DLGAP2: variants seen among roughly 807,000 people sequenced by gnomAD.
DLGAP2 encodes the protein disks large-associated protein 2.
A neutral mutation model predicts 100.3 loss-of-function variants in DLGAP2; 26 were observed. The observed-to-expected ratio is 0.26, with a 90% CI of 0.19 to 0.36. DLGAP2 has a LOEUF of 0.36. Among genes scored for constraint, DLGAP2 ranks in the 10% least tolerant of loss-of-function variants. The pLI, the probability that DLGAP2 is intolerant of heterozygous loss-of-function variation, is 1.00. For missense variants in DLGAP2, 1,858 were observed against 1,453.2 expected (o/e 1.28, Z -4.53); for synonymous variants, 886 against 630.1 (o/e 1.41, Z -6.08).
intron 3 of DLGAP2, among the ~76,000 whole-genome samples, chr8:1,358,488 G>T (rs557640821): frequency 6.6e-6 from 1 of 152,254 alleles, no homozygotes; most frequent in East Asian, 1.9e-4. Context: ...TGAGGCAAGG[G>T]CTGCGTTCAC....
At chr8:967,447 A>T (rs115974414) in intron 2 of DLGAP2, among the ~76,000 whole-genome samples, 57 of 152,258 alleles carry the variant, frequency 3.7e-4, no homozygotes, top group African/African-American at 1.3e-3. Context: ...GCTGTTGCTG[A>T]GGCTTAAGAT....
chr8:1,550,118 G>A (rs1584917097), intron 5 of DLGAP2, among the ~76,000 whole-genome samples: 1 of 152,162 alleles, frequency 6.6e-6, no homozygotes, highest in Non-Finnish European at 1.5e-5. Context: ...GGACCATGTG[G>A]CCTCTATCTG....
intron 2 of DLGAP2, among the ~76,000 whole-genome samples, chr8:1,184,462 T>C (rs1412542536): frequency 6.6e-6 from 1 of 152,330 alleles, no homozygotes; most frequent in South Asian, 2.1e-4. Context: ...CAGAAGAGGC[T>C]GAGGCCATTC....
rs375368240 is a variant in DLGAP2, at chr8:1,632,863, G to A, written c.1627G>A (p.Val543Met). ...GGAGATCAATGGGCAATTCGAGTCC[G>A]TGTGCGAGTCCGTCTTCAGTGAAGT... is the stretch of plus-strand genomic sequence containing the variant. ...EAEINGQFES[V>M]CESVFSEVES... Residue 543 changes from valine (V) to methionine (M), a missense_variant, in exon 8 of 15, where the codon GTG (valine) becomes ATG (methionine). Transcript: ENST00000637795. The A allele has an allele frequency of 4.6e-5, 74 of 1,613,516 alleles. No individual in the cohort carries two copies. The highest frequency in any genetic ancestry group is 3.3e-4 in the Middle Eastern group (2 of 6,082).
chr8:1,391,258 C>T (rs1247470190), intron 3 of DLGAP2, among the ~76,000 whole-genome samples: 1 of 152,174 alleles, frequency 6.6e-6, no homozygotes, highest in Non-Finnish European at 1.5e-5. Context: ...CCAAACTAGG[C>T]AATGGGGCAT....
At chr8:1,210,868 C>A (rs944405145) in intron 2 of DLGAP2, among the ~76,000 whole-genome samples, 2 of 152,224 alleles carry the variant, frequency 1.3e-5, no homozygotes, top group Non-Finnish European at 2.9e-5. Flanking sequence ...CCCCCTCCCT[C>A]CCAGATCCTC....
chr8:1,607,595 A>C (rs1290891825), intron 6 of DLGAP2, among the ~76,000 whole-genome samples: 1 of 152,260 alleles, frequency 6.6e-6, no homozygotes, highest in Non-Finnish European at 1.5e-5. Flanking sequence ...GCGACGCAGA[A>C]GACGGGTGAT....
intron 7 of DLGAP2, among the ~76,000 whole-genome samples, chr8:1,628,291 T>C (rs1460365073): frequency 2.7e-5 from 4 of 146,214 alleles, no homozygotes; most frequent in African/African-American, 1.1e-4. Flanking sequence ...TCTGACTTAC[T>C]GTGGAGCAGG....
At chr8:1,037,114 T>C (rs1014603552) in intron 2 of DLGAP2, among the ~76,000 whole-genome samples, 1 of 152,068 alleles carries the variant, frequency 6.6e-6, no homozygotes, top group African/African-American at 2.4e-5. Context: ...CTCCTGCCCA[T>C]GGTCACGTAG....
chr8:1,247,113 C>T (rs879007989), intron 2 of DLGAP2: 5,976 of 73,626 alleles, frequency 0.081, 4 homozygotes, highest in African/African-American at 0.11. Flanking sequence ...CCTTTGAGAT[C>T]AGAGTGGGAG....
chr8:1,040,604 A>AGCTCGGTGTGCGTGGTCG (rs1457586867), intron 2 of DLGAP2, among the ~76,000 whole-genome samples: 1 of 99,040 alleles, frequency 1.0e-5, no homozygotes, highest in Non-Finnish European at 2.1e-5. Flanking sequence ...GTGCGTGGTC[A>AGCTCGGTGTGCGTGGTCG]GCTCGGTGTG....
intron 3 of DLGAP2, among the ~76,000 whole-genome samples, chr8:1,443,092 A>G (rs116912253): frequency 1.3e-5 from 2 of 152,210 alleles, no homozygotes; most frequent in African/African-American, 2.4e-5. Flanking sequence ...TAATACTGCA[A>G]ATACATGGAA....
chr8:1,253,772 A>G (rs903447059), intron 2 of DLGAP2, among the ~76,000 whole-genome samples: 2 of 152,210 alleles, frequency 1.3e-5, no homozygotes, highest in Non-Finnish European at 2.9e-5. Context: ...ACTAATGATG[A>G]TGAATCCACA....
intron 2 of DLGAP2, among the ~76,000 whole-genome samples, chr8:1,004,934 G>C (rs530652839): frequency 6.6e-6 from 1 of 152,284 alleles, no homozygotes; most frequent in African/African-American, 2.4e-5. Context: ...CACCATGCAG[G>C]AAGGCTGCGT....
intron 2 of DLGAP2, among the ~76,000 whole-genome samples, chr8:1,194,748 T>C (rs1357915364): frequency 6.6e-6 from 1 of 152,148 alleles, no homozygotes; most frequent in Non-Finnish European, 1.5e-5. Context: ...CCGATGAGCT[T>C]CATTAGACCT....
intron 1 of DLGAP2, among the ~76,000 whole-genome samples, chr8:828,850 C>T (rs573611716): frequency 1.4e-4 from 21 of 152,326 alleles, no homozygotes; most frequent in Admixed American, 3.3e-4. Context: ...CAGCCGGTCC[C>T]TCCGTTTGGG....
At chr8:916,149 ACT>A in intron 2 of DLGAP2, among the ~76,000 whole-genome samples, 1 of 152,222 alleles carries the variant, frequency 6.6e-6, no homozygotes, top group Admixed American at 6.5e-5. Flanking sequence ...GACGCTCCGC[ACT>A]CTCTTTTCCT....
intron 2 of DLGAP2, among the ~76,000 whole-genome samples, chr8:1,090,205 C>T (rs1483347402): frequency 3.4e-5 from 5 of 146,998 alleles, no homozygotes; most frequent in Admixed American, 6.7e-5. Context: ...TGCCTGTCTG[C>T]GCTCTGGAGC....
intron 2 of DLGAP2, among the ~76,000 whole-genome samples, chr8:1,148,696 C>G (rs1585103090): frequency 6.6e-6 from 1 of 152,050 alleles, no homozygotes; most frequent in South Asian, 2.1e-4. Context: ...AAGTATATTT[C>G]TTAATTTTAA....
Sources: gnomAD v4.1 joint callset for allele counts (sites outside exome capture counted in the v4.1 genomes callset) on GRCh38, gnomAD v4.1.1 for gene constraint, MANE v1.5 for transcripts, NCBI Gene and HGNC (gene_info 2026-07-23, HGNC 2026-07-21) for gene names.